PMEPA1: variants seen among roughly 807,000 people sequenced by gnomAD.
PMEPA1 encodes the protein protein TMEPAI.
A neutral mutation model predicts 23.0 loss-of-function variants in PMEPA1; 11 were observed. The observed-to-expected ratio is 0.48, with a 90% CI of 0.30 to 0.79. The LOEUF is 0.79. Ranked by LOEUF, PMEPA1 falls within the 30% of genes least tolerant of loss-of-function variation. The probability of loss-of-function intolerance (pLI) is 0.06; values close to 1 mark genes in which losing one functional copy is unlikely to be tolerated. For synonymous variants in PMEPA1, 204 were observed against 166.4 expected, an observed-to-expected ratio of 1.23 and a Z score of -1.74; for missense variants, 377 against 390.9, an observed-to-expected ratio of 0.96 and a Z score of 0.30.
intron 1 of PMEPA1, among the ~76,000 whole-genome samples, chr20:57,693,951 G>T (rs1341070928): frequency 1.3e-5 from 2 of 152,202 alleles, no homozygotes; most frequent in African/African-American, 4.8e-5. Context: ...ATCACCAGCT[G>T]GGAGCATCTC....
At chr20:57,664,499 A>T (rs555682813) in intron 1 of PMEPA1, among the ~76,000 whole-genome samples, 1 of 152,348 alleles carries the variant, frequency 6.6e-6, no homozygotes, top group East Asian at 1.9e-4. Context: ...TGATGTGTGT[A>T]TGAAGCGGCA....
At chr20:57,666,681 A>G (rs1430237772) in intron 1 of PMEPA1, among the ~76,000 whole-genome samples, 2 of 152,220 alleles carry the variant, frequency 1.3e-5, no homozygotes, top group Non-Finnish European at 2.9e-5. Flanking sequence ...GCTGGTATTC[A>G]TGGCCTGTGG....
chr20:57,684,821 G>A (rs1190228745), intron 1 of PMEPA1, among the ~76,000 whole-genome samples: 1 of 151,158 alleles, frequency 6.6e-6, no homozygotes, highest in East Asian at 2.0e-4. Context: ...AGGAGGAGCT[G>A]TAAGAAGAAA....
At chr20:57,674,949 T>C (rs1050129534) in intron 1 of PMEPA1, among the ~76,000 whole-genome samples, 1 of 152,232 alleles carries the variant, frequency 6.6e-6, no homozygotes, top group Non-Finnish European at 1.5e-5. Context: ...GAGGAATAGC[T>C]TGGAATCTTC....
intron 1 of PMEPA1, among the ~76,000 whole-genome samples, chr20:57,676,695 G>C (rs535696836): frequency 6.6e-6 from 1 of 152,312 alleles, no homozygotes; most frequent in African/African-American, 2.4e-5. Context: ...GAGGGGCGGA[G>C]CTGTGGGAGA....
At chr20:57,701,894 C>T (rs537778589) in intron 1 of PMEPA1, among the ~76,000 whole-genome samples, 4 of 152,290 alleles carry the variant, frequency 2.6e-5, no homozygotes, top group African/African-American at 7.2e-5. Flanking sequence ...AACAACCCCT[C>T]GGTGCTTGGT....
At chr20:57,675,645 C>A (rs1328095110) in intron 1 of PMEPA1, among the ~76,000 whole-genome samples, 1 of 152,312 alleles carries the variant, frequency 6.6e-6, no homozygotes, top group South Asian at 2.1e-4. Context: ...AATGGATTGC[C>A]GGGCCCAGCG....
At chr20:57,670,910 CCCCCA>C (rs1188119004) in intron 1 of PMEPA1, among the ~76,000 whole-genome samples, 1 of 152,122 alleles carries the variant, frequency 6.6e-6, no homozygotes, top group African/African-American at 2.4e-5. Flanking sequence ...CCCCACCGCC[CCCCCA>C]ACCCCCAACC....
intron 1 of PMEPA1, among the ~76,000 whole-genome samples, chr20:57,664,192 T>TG (rs2071461374): frequency 6.6e-6 from 1 of 152,154 alleles, no homozygotes; most frequent in African/African-American, 2.4e-5. Context: ...AGCAGGGCTG[T>TG]GGGCAGCCAC....
upstream of PMEPA1, chr20:57,710,227 C>T: frequency 1.9e-6 from 1 of 537,132 alleles, no homozygotes; most frequent in Non-Finnish European, 3.0e-6. Flanking sequence ...GTGCCCTCTC[C>T]CCAACGGCGG....
At position 57,690,282 on chromosome 20, in the gene PMEPA1, A is replaced by AC. The variant is rs1175734308; in HGVS notation, c.109+19191dup. 5.6e-6 allele frequency: 3 copies of AC among 538,264 alleles called. No homozygotes were observed. The African/African-American group carries it at 5.9e-5, about 11-fold the overall frequency. 33.3% of individuals were successfully genotyped at this position (538,264 alleles called of 1,614,324 possible). Reference sequence around the variant, plus strand: ...TGGGCAGCGGCTTGGGGCACAGACCACCCGGGGGGGCCGGGCCCAGTGCCT... The same window carrying AC: ...TGGGCAGCGGCTTGGGGCACAGACCACCCCGGGGGGGCCGGGCCCAGTGCCT... On this transcript the variant is annotated intron_variant, in intron 1 of 3. Coordinates refer to ENST00000341744, the MANE Select transcript of PMEPA1 (RefSeq NM_020182.5).
intron 1 of PMEPA1, chr20:57,700,191 C>A (rs1418717482): frequency 2.1e-6 from 1 of 470,332 alleles, no homozygotes; most frequent in South Asian, 1.5e-5. Flanking sequence ...GACAACCTGT[C>A]AATGACAATA....
rs117213400 is a variant in PMEPA1 at position 57,689,988 on chromosome 20, G to A, written c.109+19486C>T. Among the ~76,000 whole-genome samples, 67 of 152,378 alleles carry A rather than the reference G, an allele frequency of 4.4e-4. No homozygotes were observed. The East Asian group carries it at 0.012, about 27-fold the overall frequency. ...TCCATGGGGCACTTACTGTGTGCGA[G>A]GCATTTGCTGAGCTTCTCCCAACAC... On this transcript the variant is annotated intron_variant, in intron 1 of 3. Transcript: ENST00000341744.
intron 2 of PMEPA1, among the ~76,000 whole-genome samples, chr20:57,658,364 T>C (rs2071357046): frequency 6.6e-6 from 1 of 152,134 alleles, no homozygotes; most frequent in African/African-American, 2.4e-5. Context: ...TCGCCCCAAC[T>C]TCCTGGCCAC....
intron 1 of PMEPA1, among the ~76,000 whole-genome samples, chr20:57,660,465 A>C (rs1349311064): frequency 1.9e-3 from 230 of 122,638 alleles, no homozygotes; most frequent in South Asian, 3.0e-3. Context: ...CCTACACACA[A>C]AACACCCCAA....
chr20:57,686,902 A>T (rs1013389234), intron 1 of PMEPA1, among the ~76,000 whole-genome samples: 4 of 152,280 alleles, frequency 2.6e-5, no homozygotes, highest in Non-Finnish European at 5.9e-5. Context: ...ACAGTGCACC[A>T]GGGAGATACA....
At chr20:57,678,443 G>A (rs192073913) in intron 1 of PMEPA1, among the ~76,000 whole-genome samples, 1,541 of 152,368 alleles carry the variant, frequency 0.01, 11 homozygotes, top group Non-Finnish European at 0.016. Flanking sequence ...GGCAGAGGCT[G>A]AGGCCAGCAG....
At chr20:57,706,037 C>T (rs2072080711) in intron 1 of PMEPA1, among the ~76,000 whole-genome samples, 1 of 152,186 alleles carries the variant, frequency 6.6e-6, no homozygotes, top group African/African-American at 2.4e-5. Context: ...GATATTTTCT[C>T]ATATTTGTTT....
At chr20:57,658,331 C>T (rs1357082843) in intron 2 of PMEPA1, among the ~76,000 whole-genome samples, 1 of 152,214 alleles carries the variant, frequency 6.6e-6, no homozygotes, top group Non-Finnish European at 1.5e-5. Flanking sequence ...CCTGGTCCTG[C>T]ACAGCACGGC....
Sources: allele counts gnomAD v4.1 joint callset (sites outside exome capture counted in the v4.1 genomes callset), GRCh38; gene constraint gnomAD v4.1.1; transcripts MANE v1.5; gene names NCBI Gene and HGNC (gene_info 2026-07-23, HGNC 2026-07-21).